COL25A1: variants seen among roughly 807,000 people sequenced by gnomAD.
COL25A1 encodes collagen alpha-1(XXV) chain.
A neutral mutation model predicts 128.4 loss-of-function variants in COL25A1; 103 were observed. The ratio of observed to expected loss-of-function variants is 0.80; its 90% CI spans 0.68 to 0.94. COL25A1 has a LOEUF of 0.94. Ranked by LOEUF, COL25A1 falls within the 40% of genes least tolerant of loss-of-function variation. The probability of loss-of-function intolerance (pLI) is 0.00; values close to 1 mark genes in which losing one functional copy is unlikely to be tolerated. For missense variants in COL25A1, 745 were observed against 840.0 expected (o/e 0.89, Z 1.40); for synonymous variants, 279 against 277.2 (o/e 1.01, Z -0.06).
chr4:109,238,040 C>G (rs986249263), intron 3 of COL25A1, among the ~76,000 whole-genome samples: 2 of 151,954 alleles, frequency 1.3e-5, no homozygotes, highest in African/African-American at 4.8e-5. Flanking sequence ...TATATACATA[C>G]TACATTTTGT....
chr4:109,264,962 G>T (rs1249271770), intron 3 of COL25A1, among the ~76,000 whole-genome samples: 2 of 152,134 alleles, frequency 1.3e-5, no homozygotes, highest in Non-Finnish European at 2.9e-5. Flanking sequence ...CTAAAAGAAA[G>T]GTTAATTTCT....
At chr4:109,261,382 T>C (rs1036857177) in intron 3 of COL25A1, among the ~76,000 whole-genome samples, 1 of 152,056 alleles carries the variant, frequency 6.6e-6, no homozygotes, top group Non-Finnish European at 1.5e-5. Flanking sequence ...CCAGGTATGG[T>C]AGAGCACTCC....
intron 5 of COL25A1, among the ~76,000 whole-genome samples, chr4:109,045,008 C>T (rs1239592159): frequency 6.6e-6 from 1 of 152,148 alleles, no homozygotes; most frequent in Non-Finnish European, 1.5e-5. Context: ...AGACCAACGC[C>T]TTTTCGTCCT....
chr4:109,232,011 A>G (rs921140838), intron 3 of COL25A1, among the ~76,000 whole-genome samples: 3 of 152,224 alleles, frequency 2.0e-5, no homozygotes, highest in African/African-American at 7.2e-5. Flanking sequence ...AAAATTCTGA[A>G]GTCATCATTT....
At chr4:109,076,627 A>G (rs547079519) in intron 3 of COL25A1, among the ~76,000 whole-genome samples, 1 of 152,210 alleles carries the variant, frequency 6.6e-6, no homozygotes, top group African/African-American at 2.4e-5. Flanking sequence ...GGATGATTCA[A>G]AAACATTACA....
At chr4:109,040,283 G>A (rs757358235) in intron 5 of COL25A1, among the ~76,000 whole-genome samples, 5 of 152,244 alleles carry the variant, frequency 3.3e-5, no homozygotes, top group South Asian at 2.1e-4. Flanking sequence ...GTAGGCCAGC[G>A]TCATGGTGTC....
intron 3 of COL25A1, among the ~76,000 whole-genome samples, chr4:109,125,686 T>C (rs1768529521): frequency 6.6e-6 from 1 of 152,170 alleles, no homozygotes. Flanking sequence ...TGATCAATTT[T>C]CAACACATGG....
chr4:109,031,172 C>T (rs1758815465), intron 5 of COL25A1, among the ~76,000 whole-genome samples: 4 of 152,262 alleles, frequency 2.6e-5, no homozygotes, highest in Admixed American at 1.3e-4. Flanking sequence ...AGTGCAGTGG[C>T]GCGATCTCGG....
intron 3 of COL25A1, among the ~76,000 whole-genome samples, chr4:109,109,630 T>C (rs3113720): frequency 0.21 from 32,261 of 152,110 alleles, 4,075 homozygotes; most frequent in East Asian, 0.39. Flanking sequence ...GGCTCCCTTT[T>C]ACGGTTCATG....
chr4:108,905,998 A>G (rs906475271), intron 13 of COL25A1, among the ~76,000 whole-genome samples: 2 of 152,136 alleles, frequency 1.3e-5, no homozygotes, highest in South Asian at 4.1e-4. Context: ...ACGGTAAGCC[A>G]GTGGTTAGAG....
intron 3 of COL25A1, among the ~76,000 whole-genome samples, chr4:109,234,898 AAC>A (rs1779370991): frequency 6.6e-6 from 1 of 152,114 alleles, no homozygotes; most frequent in Admixed American, 6.6e-5. Context: ...CAGAGGAAAA[AAC>A]ACTACTGTAA....
rs941278051 is a variant in COL25A1, at chr4:108,828,871, T to A, written c.1711-1683A>T. ...TGCCTGCAGAGCCACCTGATATGCCTGTGTTTCTCCAGATTCCCGTGTGAG... is the reference window on the plus strand; with the variant it reads ...TGCCTGCAGAGCCACCTGATATGCCAGTGTTTCTCCAGATTCCCGTGTGAG... On this transcript the variant is annotated intron_variant, in intron 32 of 37. Coordinates refer to ENST00000399132, the MANE Select transcript of COL25A1 (RefSeq NM_198721.4). 3.1e-4 allele frequency among the ~76,000 whole-genome samples: 47 copies of A among 152,174 alleles called. 3 individuals carry two copies.
At chr4:109,095,744 G>T (rs1408223933) in intron 3 of COL25A1, among the ~76,000 whole-genome samples, 2 of 152,264 alleles carry the variant, frequency 1.3e-5, no homozygotes, top group East Asian at 1.9e-4. Flanking sequence ...GCAGACACGG[G>T]TATTTGTAAA....
At chr4:108,962,382 C>T (rs1291472217) in intron 8 of COL25A1, among the ~76,000 whole-genome samples, 3 of 151,914 alleles carry the variant, frequency 2.0e-5, no homozygotes, top group East Asian at 1.9e-4. Context: ...TGTTTCACCA[C>T]GTTGGCTAGG....
At chr4:108,833,789 T>C (rs1385930865) in intron 31 of COL25A1, among the ~76,000 whole-genome samples, 1 of 152,184 alleles carries the variant, frequency 6.6e-6, no homozygotes, top group Non-Finnish European at 1.5e-5. Context: ...AGAAGACTTC[T>C]AAATACTGAG....
intron 3 of COL25A1, among the ~76,000 whole-genome samples, chr4:109,139,527 G>C (rs1034857071): frequency 1.3e-5 from 2 of 152,092 alleles, no homozygotes; most frequent in Non-Finnish European, 2.9e-5. Context: ...TCCAGCTTCA[G>C]TTTTCTGCAT....
Position 108,827,154 on chromosome 4 carries a change from C to T in COL25A1, c.1745G>A (p.Arg582Lys). ...EKGAMGEPGP[R>K]GPYGLPGKDG... ...ACTCACAGGCAGCCCATAGGGCCCT[C>T]TTGGTCCAGGCTCTCCCATAGCTCC... Residue 582 changes from arginine to lysine, a missense_variant, in exon 33 of 38, where the codon AGA becomes AAA. Arg to Lys is a conservative substitution (Grantham distance 26). Coordinates refer to ENST00000399132, the MANE Select transcript of COL25A1 (RefSeq NM_198721.4). The T allele has an allele frequency of 6.2e-7, 1 of 1,613,982 alleles. No individual in the cohort carries two copies. Among genetic ancestry groups the T allele is most frequent in the Non-Finnish European group, 8.5e-7 (1 of 1,179,946 alleles).
chr4:108,977,863 G>A (rs1434162596), intron 6 of COL25A1, among the ~76,000 whole-genome samples: 1 of 152,126 alleles, frequency 6.6e-6, no homozygotes, highest in African/African-American at 2.4e-5. Flanking sequence ...CACCTCCCCA[G>A]CCTCCATATC....
At chr4:109,093,456 T>C (rs1765102836) in intron 3 of COL25A1, among the ~76,000 whole-genome samples, 1 of 77,400 alleles carries the variant, frequency 1.3e-5, no homozygotes, top group South Asian at 4.8e-4. Context: ...TCCATCTCTA[T>C]GAAAAAAAAA....
Sources: gnomAD v4.1 joint callset for allele counts (sites outside exome capture counted in the v4.1 genomes callset) on GRCh38, gnomAD v4.1.1 for gene constraint, MANE v1.5 for transcripts, NCBI Gene and HGNC (gene_info 2026-07-23, HGNC 2026-07-21) for gene names.